GUCY1A2: variants seen among roughly 807,000 people sequenced by gnomAD.
The protein encoded by GUCY1A2 is guanylate cyclase soluble subunit alpha-2.
Under a neutral mutation model 63.5 loss-of-function variants are expected in GUCY1A2, and 27 were observed. The observed-to-expected ratio is 0.43, with a 90% CI of 0.31 to 0.59. The LOEUF (loss-of-function observed/expected upper bound fraction) is 0.59, where lower values mean the gene tolerates loss of function less well. Among genes scored for constraint, GUCY1A2 ranks in the 20% least tolerant of loss-of-function variants. The pLI is 0.11. For missense variants in GUCY1A2, 768 were observed against 913.3 expected (o/e 0.84, Z 2.05); for synonymous variants, 364 against 343.5 (o/e 1.06, Z -0.66).
intron 4 of GUCY1A2, among the ~76,000 whole-genome samples, chr11:106,850,353 C>T (rs1309773791): frequency 6.6e-6 from 1 of 151,744 alleles, no homozygotes; most frequent in Non-Finnish European, 1.5e-5. Flanking sequence ...GTGTTGTGAA[C>T]ATTCAAAATC....
At chr11:106,710,382 T>G (rs1247007615) in intron 6 of GUCY1A2, among the ~76,000 whole-genome samples, 1 of 126,782 alleles carries the variant, frequency 7.9e-6, no homozygotes, top group Non-Finnish European at 1.6e-5. Context: ...TAGTTATATA[T>G]ATAATATATA....
At chr11:107,010,053 T>C (rs1213584213) in intron 1 of GUCY1A2, among the ~76,000 whole-genome samples, 4 of 152,162 alleles carry the variant, frequency 2.6e-5, no homozygotes, top group African/African-American at 9.7e-5. Context: ...CTAGATTAAA[T>C]GAAGAACTGT....
chr11:106,682,107 A>T lies in GUCY1A2; in HGVS notation c.*5442T>A. ...AATAGCCCTATAGTGAGCAATATTC[A>T]TCCCTCATGCTTATCAGTGTTGACG... On this transcript the variant is annotated 3_prime_UTR_variant, in exon 8 of 8. Transcript: ENST00000526355. The T allele has an allele frequency of 4.8e-6, 1 of 208,736 alleles. No homozygotes were observed. The highest frequency in any genetic ancestry group is 9.5e-6 in the Non-Finnish European group (1 of 104,756). The allele number at this position is 208,736 out of a possible 1,614,324, so 12.9% of individuals were successfully genotyped here.
chr11:106,792,107 G>A (rs938632995), intron 5 of GUCY1A2, among the ~76,000 whole-genome samples: 3 of 151,798 alleles, frequency 2.0e-5, no homozygotes, highest in African/African-American at 7.3e-5. Flanking sequence ...CCCACTAACA[G>A]CCGGGCGTGG....
intron 5 of GUCY1A2, among the ~76,000 whole-genome samples, chr11:106,777,627 C>A (rs1347076621): frequency 8.6e-6 from 1 of 116,688 alleles, no homozygotes; most frequent in East Asian, 2.9e-4. Context: ...AGGAGTTGAA[C>A]AATGAGAACA....
intron 5 of GUCY1A2, among the ~76,000 whole-genome samples, chr11:106,785,672 A>G (rs1864543304): frequency 6.6e-6 from 1 of 152,112 alleles, no homozygotes; most frequent in African/African-American, 2.4e-5. Context: ...AAAATTCAGG[A>G]CAACCTGCAT....
chr11:106,810,440 T>C lies in GUCY1A2; in HGVS notation c.1245A>G (p.Glu415=). The C allele has an allele frequency of 6.2e-7, 1 of 1,611,130 alleles. No individual in the cohort carries two copies. The highest frequency in any genetic ancestry group is 8.5e-7 in the Non-Finnish European group (1 of 1,177,960). ...AGCCCAAAAATAAAATGGAATTTGATTCTGGAACATGGATCATTTGTCCTT... is the reference window on the plus strand; with the variant it reads ...AGCCCAAAAATAAAATGGAATTTGACTCTGGAACATGGATCATTTGTCCTT... ...EVKGQMIHVP[E]SNSILFLGSP... Residue 415 remains glutamate, a synonymous_variant, in exon 5 of 8, where the codon GAA becomes GAG. Coordinates refer to ENST00000526355, the MANE Select transcript of GUCY1A2 (RefSeq NM_000855.3).
At chr11:106,749,856 A>G (rs10789544) in intron 6 of GUCY1A2, among the ~76,000 whole-genome samples, 28,498 of 151,962 alleles carry the variant, frequency 0.19, 3,851 homozygotes, top group African/African-American at 0.38. Context: ...AACTCACACC[A>G]TTATATCATG....
chr11:106,853,032 T>TTACATGTAACTGA (rs1272386674), intron 4 of GUCY1A2, among the ~76,000 whole-genome samples: 4 of 152,198 alleles, frequency 2.6e-5, no homozygotes, highest in African/African-American at 9.6e-5. Context: ...ATGGCTTCCC[T>TTACATGTAACTGA]TACATGTAAC....
intron 7 of GUCY1A2, among the ~76,000 whole-genome samples, chr11:106,699,409 C>T (rs1045020660): frequency 8.5e-5 from 13 of 152,130 alleles, no homozygotes; most frequent in African/African-American, 1.4e-4. Flanking sequence ...TCTTTGTAAA[C>T]GTTATTTATG....
At chr11:106,983,978 A>G (rs1861369795) in intron 2 of GUCY1A2, among the ~76,000 whole-genome samples, 2 of 152,308 alleles carry the variant, frequency 1.3e-5, no homozygotes, top group African/African-American at 4.8e-5. Flanking sequence ...GAGTGATATT[A>G]GCTGCTCTGC....
At chr11:106,873,226 A>C (rs1328665667) in intron 4 of GUCY1A2, among the ~76,000 whole-genome samples, 1 of 152,158 alleles carries the variant, frequency 6.6e-6, no homozygotes, top group African/African-American at 2.4e-5. Context: ...GCTGCAATAA[A>C]CATACATGTG....
intron 6 of GUCY1A2, among the ~76,000 whole-genome samples, chr11:106,734,238 T>A (rs1466394534): frequency 6.6e-6 from 1 of 152,068 alleles, no homozygotes; most frequent in Non-Finnish European, 1.5e-5. Context: ...GCACTCCAAA[T>A]TCTTTGCCCT....
chr11:106,903,294 A>G (rs1860159980), intron 4 of GUCY1A2, among the ~76,000 whole-genome samples: 1 of 152,040 alleles, frequency 6.6e-6, no homozygotes, highest in Non-Finnish European at 1.5e-5. Flanking sequence ...GTCTGGCCAC[A>G]TCCAATTTTC....
At chr11:106,959,848 T>G (rs1211379512) in intron 3 of GUCY1A2, among the ~76,000 whole-genome samples, 5 of 152,222 alleles carry the variant, frequency 3.3e-5, no homozygotes, top group Non-Finnish European at 7.3e-5. Flanking sequence ...CTACCTTTCA[T>G]GAGAATGACC....
At chr11:106,917,125 C>T (rs1014646965) in intron 4 of GUCY1A2, among the ~76,000 whole-genome samples, 1 of 145,450 alleles carries the variant, frequency 6.9e-6, no homozygotes, top group African/African-American at 2.4e-5. Flanking sequence ...ATAAACAGAG[C>T]ACTGAGACTG....
intron 3 of GUCY1A2, among the ~76,000 whole-genome samples, chr11:106,971,373 G>A (rs1000838703): frequency 3.3e-5 from 5 of 152,032 alleles, no homozygotes; most frequent in Admixed American, 1.3e-4. Flanking sequence ...CCCTGGATAT[G>A]AGTGGACACT....
At chr11:106,742,595 G>T (rs1863714243) in intron 6 of GUCY1A2, among the ~76,000 whole-genome samples, 1 of 152,152 alleles carries the variant, frequency 6.6e-6, no homozygotes, top group South Asian at 2.1e-4. Context: ...TATCAATGAT[G>T]GGCATTTAGG....
At chr11:106,690,407 A>G (rs1204247931) in intron 7 of GUCY1A2, among the ~76,000 whole-genome samples, 1 of 152,208 alleles carries the variant, frequency 6.6e-6, no homozygotes, top group Non-Finnish European at 1.5e-5. Context: ...TATCATTAGC[A>G]AACTAATGCA....
Sources: allele counts gnomAD v4.1 joint callset (sites outside exome capture counted in the v4.1 genomes callset), GRCh38; gene constraint gnomAD v4.1.1; transcripts MANE v1.5; gene names NCBI Gene and HGNC (gene_info 2026-07-23, HGNC 2026-07-21).